Variants in LHFPL2 observed in about 807,000 individuals in gnomAD.
The protein encoded by LHFPL2 is LHFPL tetraspan subfamily member 2 protein.
LHFPL2 carries 7 observed loss-of-function variants against 17.5 expected under a neutral mutation model. The observed-to-expected ratio is 0.40, with a 90% CI of 0.23 to 0.75. The LOEUF (loss-of-function observed/expected upper bound fraction) is 0.75, where lower values mean the gene tolerates loss of function less well. LHFPL2 is among the 30% of genes least tolerant of loss of function. The probability of loss-of-function intolerance (pLI) is 0.37; values close to 1 mark genes in which losing one functional copy is unlikely to be tolerated. For synonymous variants in LHFPL2, 134 were observed against 116.2 expected, an observed-to-expected ratio of 1.15 and a Z score of -0.99; for missense variants, 241 against 294.8, an observed-to-expected ratio of 0.82 and a Z score of 1.34.
chr5:78,641,639 T>G (rs1175096131), intron 1 of LHFPL2, among the ~76,000 whole-genome samples: 1 of 152,174 alleles, frequency 6.6e-6, no homozygotes, highest in East Asian at 1.9e-4. Flanking sequence ...TTATAACATG[T>G]TATTAAATCA....
intron 1 of LHFPL2, among the ~76,000 whole-genome samples, chr5:78,632,867 C>A (rs76218745): frequency 0.017 from 2,614 of 152,186 alleles, 66 homozygotes; most frequent in African/African-American, 0.06. Context: ...CTCCTCAGAG[C>A]AAGTGAGGGC....
chr5:78,635,198 T>C (rs954396251), intron 1 of LHFPL2, among the ~76,000 whole-genome samples: 2 of 152,242 alleles, frequency 1.3e-5, no homozygotes, highest in African/African-American at 4.8e-5. Context: ...GGCAGCAGAA[T>C]GCCCAAGTTC....
intron 2 of LHFPL2, among the ~76,000 whole-genome samples, chr5:78,615,206 T>C (rs1418331390): frequency 1.3e-5 from 2 of 151,938 alleles, no homozygotes; most frequent in East Asian, 1.9e-4. Flanking sequence ...GTGTGGAGTG[T>C]GGGGAAGGGA....
chr5:78,501,320 A>T (rs976099544), intron 4 of LHFPL2, among the ~76,000 whole-genome samples: 1 of 152,232 alleles, frequency 6.6e-6, no homozygotes, highest in African/African-American at 2.4e-5. Context: ...ATGAAATGTT[A>T]CCACACTTAC....
rs553663369 is a variant in LHFPL2 at position 78,488,375 on chromosome 5, A to C, written c.*522T>G. On this transcript the variant is annotated 3_prime_UTR_variant, in exon 5 of 5. Coordinates refer to ENST00000380345, the MANE Select transcript of LHFPL2 (RefSeq NM_005779.3). ...CTGACCCCTTTGGTCAGCTAAGCAA[A>C]AGACAGTGTCTTGCTGTGCCCTTTA... 1 of 166,238 alleles carries C rather than the reference A, an allele frequency of 6.0e-6. No homozygotes were observed. The highest frequency in any genetic ancestry group is 2.4e-5 in the African/African-American group (1 of 41,770). The allele number at this position is 166,238 out of a possible 1,614,324, so 10.3% of individuals were successfully genotyped here. A position where few individuals can be genotyped will look rare whatever the true frequency, so the allele number is the denominator to read the frequency against.
chr5:78,545,067 C>T (rs2885807), intron 3 of LHFPL2, among the ~76,000 whole-genome samples: 4,728 of 152,234 alleles, frequency 0.031, 239 homozygotes, highest in African/African-American at 0.11. Flanking sequence ...GAATTTCAAC[C>T]GCCACTTTGA....
intron 3 of LHFPL2, among the ~76,000 whole-genome samples, chr5:78,518,556 C>T (rs1755355054): frequency 6.6e-6 from 1 of 152,228 alleles, no homozygotes; most frequent in South Asian, 2.1e-4. Context: ...AACGTGAGCT[C>T]CACGCGCAGC....
chr5:78,630,764 G>T (rs538344094), intron 2 of LHFPL2, among the ~76,000 whole-genome samples: 1 of 152,280 alleles, frequency 6.6e-6, no homozygotes, highest in East Asian at 1.9e-4. Flanking sequence ...AAACACCCAG[G>T]ATGGCAACTG....
rs377015858 is a variant in LHFPL2, at chr5:78,541,086, T to C, written c.-186+23727A>G. ...AACAGAAAATCCTTTACCTCCCACTTAGAAGATAACTTGTCCCTTAATTAA... is the reference window on the plus strand; with the variant it reads ...AACAGAAAATCCTTTACCTCCCACTCAGAAGATAACTTGTCCCTTAATTAA... On this transcript the variant is annotated intron_variant, in intron 3 of 4. Transcript: ENST00000380345. Among the ~76,000 whole-genome samples, 14 of 152,306 alleles carry C rather than the reference T, an allele frequency of 9.2e-5. No individual in the cohort carries two copies. In the East Asian group the frequency reaches 2.5e-3, roughly 27 times the overall value.
At chr5:78,585,740 C>T (rs1165980122) in intron 2 of LHFPL2, among the ~76,000 whole-genome samples, 1 of 152,194 alleles carries the variant, frequency 6.6e-6, no homozygotes, top group Non-Finnish European at 1.5e-5. Flanking sequence ...TGGCTATATG[C>T]CGGGCACTGT....
At chr5:78,569,483 CT>C (rs931025729) in intron 2 of LHFPL2, among the ~76,000 whole-genome samples, 4 of 151,658 alleles carry the variant, frequency 2.6e-5, no homozygotes, top group African/African-American at 7.3e-5. Context: ...GCTGGTGTAA[CT>C]TTTTTTTTAA....
chr5:78,525,378 T>C (rs866618806), intron 3 of LHFPL2, among the ~76,000 whole-genome samples: 31 of 152,366 alleles, frequency 2.0e-4, no homozygotes, highest in African/African-American at 5.8e-4. Context: ...CATAAAGCAC[T>C]GTAATGCACA....
chr5:78,522,278 A>C (rs531840414), intron 3 of LHFPL2, among the ~76,000 whole-genome samples: 2 of 152,200 alleles, frequency 1.3e-5, no homozygotes, highest in African/African-American at 4.8e-5. Flanking sequence ...TCTACTAAAA[A>C]AAACAAAAAT....
At chr5:78,535,926 A>G (rs1364830682) in intron 3 of LHFPL2, among the ~76,000 whole-genome samples, 4 of 152,216 alleles carry the variant, frequency 2.6e-5, no homozygotes, top group Non-Finnish European at 4.4e-5. Context: ...GAGCATCAGA[A>G]TAACTGTTTA....
At chr5:78,528,851 C>G (rs1380426615) in intron 3 of LHFPL2, among the ~76,000 whole-genome samples, 1 of 152,192 alleles carries the variant, frequency 6.6e-6, no homozygotes, top group Non-Finnish European at 1.5e-5. Context: ...CATCCACATT[C>G]AAAAGATGTT....
intron 3 of LHFPL2, among the ~76,000 whole-genome samples, chr5:78,545,681 T>C (rs1580794733): frequency 1.3e-5 from 2 of 152,228 alleles, no homozygotes; most frequent in East Asian, 1.9e-4. Flanking sequence ...GTCCCAGCTT[T>C]TCCAAATGCA....
chr5:78,494,574 T>C (rs1396663972), intron 4 of LHFPL2: 19 of 943,374 alleles, frequency 2.0e-5, no homozygotes, highest in Non-Finnish European at 2.3e-5. Context: ...GGTCAGTCAC[T>C]TGGACTGCCC....
intron 3 of LHFPL2, among the ~76,000 whole-genome samples, chr5:78,521,488 T>A (rs757896858): frequency 2.0e-5 from 3 of 152,260 alleles, no homozygotes; most frequent in Non-Finnish European, 4.4e-5. Context: ...GATTTGCAAT[T>A]TTATTTGGCA....
intron 3 of LHFPL2, among the ~76,000 whole-genome samples, chr5:78,520,349 A>G (rs1186537074): frequency 1.3e-5 from 2 of 152,154 alleles, no homozygotes; most frequent in Non-Finnish European, 2.9e-5. Flanking sequence ...TGGATGTGTG[A>G]CCTCGCACAG....
Sources: allele counts gnomAD v4.1 joint callset (sites outside exome capture counted in the v4.1 genomes callset), GRCh38; gene constraint gnomAD v4.1.1; transcripts MANE v1.5; gene names NCBI Gene and HGNC (gene_info 2026-07-23, HGNC 2026-07-21).